The following KCNMA1 variants were observed in gnomAD, a reference collection of about 807,000 sequenced individuals.
The protein encoded by KCNMA1 is potassium calcium-activated channel subfamily M alpha 1, also known as Calcium-activated potassium channel subunit alpha-1.
In KCNMA1, 29 loss-of-function variants were observed where a neutral mutation model predicts 140.0. The observed-to-expected ratio is 0.21, with a 90% CI of 0.15 to 0.28. The LOEUF (loss-of-function observed/expected upper bound fraction) is 0.28, where lower values mean the gene tolerates loss of function less well. KCNMA1 is among the 10% of genes least tolerant of loss of function. The pLI is 1.00. For missense variants in KCNMA1, 880 were observed against 1,602.2 expected, an observed-to-expected ratio of 0.55 and a Z score of 7.70; for synonymous variants, 612 against 611.9, an observed-to-expected ratio of 1.00 and a Z score of 0.00.
chr10:77,329,062 G>C (rs868453789), intron 2 of KCNMA1, among the ~76,000 whole-genome samples: 1 of 151,928 alleles, frequency 6.6e-6, no homozygotes. Context: ...GGATGGTCTC[G>C]ATCTCCTGAC....
intron 2 of KCNMA1, among the ~76,000 whole-genome samples, chr10:77,269,577 T>C (rs980482753): frequency 1.3e-5 from 2 of 152,196 alleles, no homozygotes; most frequent in Non-Finnish European, 2.9e-5. Flanking sequence ...CAGGTATCAG[T>C]ATTTTTCTGA....
chr10:76,987,069 T>A (rs564848243), intron 19 of KCNMA1, among the ~76,000 whole-genome samples: 93 of 152,252 alleles, frequency 6.1e-4, no homozygotes, highest in African/African-American at 2.2e-3. Context: ...GACTTTTTTT[T>A]TTTTTTTTGC....
chr10:77,550,042 G>A (rs939352694), intron 1 of KCNMA1, among the ~76,000 whole-genome samples: 9 of 152,214 alleles, frequency 5.9e-5, no homozygotes, highest in Non-Finnish European at 1.3e-4. Flanking sequence ...GAAAACAAAT[G>A]GAGTAAGATT....
intron 12 of KCNMA1, among the ~76,000 whole-genome samples, chr10:77,084,362 T>G (rs2096647639): frequency 6.6e-6 from 1 of 152,206 alleles, no homozygotes; most frequent in Non-Finnish European, 1.5e-5. Context: ...TATTTCCTAG[T>G]TCTGTCTCAA....
At chr10:77,229,813 G>A (rs1381695455) in intron 3 of KCNMA1, among the ~76,000 whole-genome samples, 1 of 152,186 alleles carries the variant, frequency 6.6e-6, no homozygotes, top group East Asian at 1.9e-4. Flanking sequence ...TGGCGAGGAT[G>A]TGGACAAATT....
intron 2 of KCNMA1, among the ~76,000 whole-genome samples, chr10:77,334,607 G>A (rs149971996): frequency 1.7e-3 from 256 of 152,196 alleles, no homozygotes; most frequent in Middle Eastern, 3.4e-3. Flanking sequence ...AGGTGTTTGG[G>A]GGCCAGAAAA....
At chr10:77,283,125 G>A (rs559373893) in intron 2 of KCNMA1, among the ~76,000 whole-genome samples, 4 of 152,268 alleles carry the variant, frequency 2.6e-5, no homozygotes, top group Admixed American at 6.5e-5. Flanking sequence ...ACTAGTCTGC[G>A]GCAACAGATG....
chr10:77,081,705 C>T (rs544413132), intron 12 of KCNMA1, among the ~76,000 whole-genome samples: 54 of 152,268 alleles, frequency 3.5e-4, no homozygotes, highest in Middle Eastern at 3.4e-3. Flanking sequence ...AAAAGTGTTG[C>T]GTTGGCCCAC....
intron 1 of KCNMA1, among the ~76,000 whole-genome samples, chr10:77,572,320 A>C (rs929824643): frequency 6.6e-6 from 1 of 151,864 alleles, no homozygotes; most frequent in Non-Finnish European, 1.5e-5. Context: ...AGAAGGCTTC[A>C]TAGCCATCAC....
chr10:77,108,378 C>T lies in KCNMA1; in HGVS notation c.1223+103G>A, dbSNP rs2097242928. The T allele has an allele frequency of 6.3e-7, 1 of 1,599,610 alleles. No homozygotes were observed. The highest frequency in any genetic ancestry group is 1.7e-4 in the Middle Eastern group (1 of 6,038). ...CGGGCACGTAGCGGGCAAACATTGC[C>T]TACATGCATGAAACAAAGAAACAAG... is the stretch of plus-strand genomic sequence containing the variant. On this transcript the variant is annotated intron_variant, in intron 9 of 27. Transcript: ENST00000286628. The surrounding 1 kb of genome is among the most constrained non-coding windows in gnomAD (Gnocchi z 4.6).
At chr10:77,000,858 ATATATATATATATATATATAT>A (rs1565461255) in intron 19 of KCNMA1, among the ~76,000 whole-genome samples, 1 of 88,110 alleles carries the variant, frequency 1.1e-5, no homozygotes, top group African/African-American at 4.5e-5. Context: ...TAAAAAGAAA[ATATATATATATATATATATAT>A]ATATATATAT....
At chr10:77,619,526 A>G (rs1165225148) in intron 1 of KCNMA1, among the ~76,000 whole-genome samples, 2 of 152,136 alleles carry the variant, frequency 1.3e-5, no homozygotes, top group Non-Finnish European at 2.9e-5. Flanking sequence ...CATGGATTAC[A>G]GGGGCTAGCT....
At chr10:76,869,897 C>CA (rs1329167979) in exon 28 of KCNMA1, 1 of 152,110 alleles carries the variant, frequency 6.6e-6, no homozygotes, top group Non-Finnish European at 1.5e-5. Context: ...CATGTGTGTA[C>CA]TTTTTTTTTC....
chr10:77,459,441 A>C (rs2097818062), intron 1 of KCNMA1, among the ~76,000 whole-genome samples: 1 of 152,216 alleles, frequency 6.6e-6, no homozygotes, highest in African/African-American at 2.4e-5. Flanking sequence ...AACTATACAA[A>C]CACTGACTAA....
chr10:77,374,264 A>G (rs1352145086), intron 2 of KCNMA1, among the ~76,000 whole-genome samples: 3 of 152,152 alleles, frequency 2.0e-5, no homozygotes, highest in Non-Finnish European at 4.4e-5. Context: ...CTTCCCGAAC[A>G]TGTGGGCCTG....
At chr10:77,279,849 T>G (rs1296783239) in intron 2 of KCNMA1, among the ~76,000 whole-genome samples, 2 of 152,214 alleles carry the variant, frequency 1.3e-5, no homozygotes, top group Non-Finnish European at 2.9e-5. Flanking sequence ...TCTTGCCTGC[T>G]GCCATATAAG....
At chr10:77,357,387 CAT>C (rs1472994530) in intron 2 of KCNMA1, among the ~76,000 whole-genome samples, 1 of 152,220 alleles carries the variant, frequency 6.6e-6, no homozygotes, top group East Asian at 1.9e-4. Flanking sequence ...TAGAGAATAA[CAT>C]AGTCAAATCT....
chr10:77,457,905 G>T (rs536400471), intron 1 of KCNMA1, among the ~76,000 whole-genome samples: 1 of 151,344 alleles, frequency 6.6e-6, no homozygotes, highest in African/African-American at 2.5e-5. Flanking sequence ...CCTCACAATC[G>T]CAATGTAGTT....
intron 14 of KCNMA1, among the ~76,000 whole-genome samples, chr10:77,048,954 T>C (rs559318522): frequency 5.2e-4 from 79 of 152,102 alleles, no homozygotes; most frequent in African/African-American, 1.8e-3. Flanking sequence ...TTAGTAGAGA[T>C]GGGGTTTCAC....
Sources: allele counts gnomAD v4.1 joint callset (sites outside exome capture counted in the v4.1 genomes callset), GRCh38; gene constraint gnomAD v4.1.1; non-coding constraint Gnocchi (gnomAD v3.1); transcripts MANE v1.5; gene names NCBI Gene and HGNC (gene_info 2026-07-23, HGNC 2026-07-21).